MTBP: variants seen among roughly 807,000 people sequenced by gnomAD.
The protein encoded by MTBP is MDM2 binding protein.
A neutral mutation model predicts 117.0 loss-of-function variants in MTBP; 101 were observed. The observed-to-expected ratio is 0.86, with a 90% confidence interval of 0.73 to 1.02. MTBP has a LOEUF of 1.02. MTBP is among the 50% of genes least tolerant of loss of function. MTBP has a pLI of 0.00. For synonymous variants in MTBP, 350 were observed against 351.5 expected (o/e 1.00, Z 0.05); for missense variants, 970 against 1,030.9 (o/e 0.94, Z 0.81).
At chr8:120,462,606 C>T (rs1185891572) in intron 9 of MTBP, among the ~76,000 whole-genome samples, 1 of 152,176 alleles carries the variant, frequency 6.6e-6, no homozygotes, top group African/African-American at 2.4e-5. Flanking sequence ...CTAGACGTTA[C>T]TTTCAGATAT....
intron 10 of MTBP, among the ~76,000 whole-genome samples, chr8:120,465,720 C>T (rs955552051): frequency 8.5e-5 from 11 of 129,448 alleles, no homozygotes; most frequent in Non-Finnish European, 1.4e-4. Context: ...AGAGCAGTGG[C>T]GCGATCTCAG....
At chr8:120,507,887 G>C (rs1315775398) in intron 16 of MTBP, among the ~76,000 whole-genome samples, 6 of 152,072 alleles carry the variant, frequency 3.9e-5, no homozygotes, top group Non-Finnish European at 7.4e-5. Flanking sequence ...CATCTATTTA[G>C]TTATTGGATT....
intron 15 of MTBP, among the ~76,000 whole-genome samples, chr8:120,505,071 T>C (rs1354693652): frequency 6.6e-6 from 1 of 152,146 alleles, no homozygotes; most frequent in East Asian, 1.9e-4. Context: ...TCTTCTGGTG[T>C]TTTTCTCTTA....
chr8:120,482,788 C>T (rs1814117180), intron 11 of MTBP, among the ~76,000 whole-genome samples: 1 of 151,536 alleles, frequency 6.6e-6, no homozygotes, highest in South Asian at 2.1e-4. Flanking sequence ...CAACCTCCAC[C>T]TCCTGGGTTC....
intron 11 of MTBP, among the ~76,000 whole-genome samples, chr8:120,486,551 CTCA>C (rs1288679167): frequency 1.3e-5 from 2 of 152,144 alleles, no homozygotes; most frequent in Admixed American, 1.3e-4. Context: ...TCCCTGAATT[CTCA>C]TCATATGCGT....
chr8:120,482,768 C>T (rs796912362), intron 11 of MTBP, among the ~76,000 whole-genome samples: 53 of 150,400 alleles, frequency 3.5e-4, no homozygotes, highest in African/African-American at 1.1e-3. Context: ...AGCGTGATCT[C>T]GGCTCACTGC....
chr8:120,484,879 A>T (rs1321806496), intron 11 of MTBP, among the ~76,000 whole-genome samples: 1 of 152,156 alleles, frequency 6.6e-6, no homozygotes, highest in Non-Finnish European at 1.5e-5. Context: ...ACTGTTCTGG[A>T]CATGTCATGG....
intron 14 of MTBP, among the ~76,000 whole-genome samples, chr8:120,500,920 G>T (rs192589850): frequency 6.6e-6 from 1 of 151,782 alleles, no homozygotes; most frequent in African/African-American, 2.4e-5. Context: ...GGCCAGGCGC[G>T]GTGGCTCACA....
chr8:120,509,694 T>A (rs1814761023), intron 16 of MTBP, among the ~76,000 whole-genome samples: 1 of 152,204 alleles, frequency 6.6e-6, no homozygotes, highest in African/African-American at 2.4e-5. Flanking sequence ...TTTCTCAGAA[T>A]AGTTTTGTGC....
intron 5 of MTBP, 23 bp downstream of exon 5, chr8:120,453,928 A>T (rs1178109344): frequency 7.0e-7 from 1 of 1,428,276 alleles, no homozygotes; most frequent in East Asian, 2.3e-5. Flanking sequence ...GACTGCTTTC[A>T]ATAATTTGTA....
At position 120,463,539 on chromosome 8, in the gene MTBP, C is replaced by G. The variant is rs930108235; in HGVS notation, c.978-153C>G. The G allele has an allele frequency of 7.5e-6, 4 of 536,578 alleles. No homozygotes were observed. The African/African-American group carries it at 7.5e-5, about 10-fold the overall frequency. The allele number at this position is 536,578 out of a possible 1,614,324, so 33.2% of individuals were successfully genotyped here. A position where few individuals can be genotyped will look rare whatever the true frequency, so the allele number is the denominator to read the frequency against. ...ACAAATAATTGGAAAAATACTTATCCTTAGGGAAAGGCGTAATTGTTAACT... is the reference window on the plus strand; with the variant it reads ...ACAAATAATTGGAAAAATACTTATCGTTAGGGAAAGGCGTAATTGTTAACT... On this transcript the variant is annotated intron_variant, in intron 9 of 21. Coordinates refer to ENST00000305949, the MANE Select transcript of MTBP (RefSeq NM_022045.5).
intron 13 of MTBP, among the ~76,000 whole-genome samples, chr8:120,492,130 G>T (rs780391773): frequency 1.3e-5 from 2 of 152,192 alleles, no homozygotes; most frequent in East Asian, 3.8e-4. Context: ...CTGGCTCTGG[G>T]TATGTCCATG....
At chr8:120,466,816 A>T (rs369313608) in intron 10 of MTBP, among the ~76,000 whole-genome samples, 1 of 152,046 alleles carries the variant, frequency 6.6e-6, no homozygotes, top group Non-Finnish European at 1.5e-5. Context: ...GGAGGTTGCA[A>T]TGAGCCAAGA....
chr8:120,493,738 G>C (rs993871235), intron 13 of MTBP, among the ~76,000 whole-genome samples: 1 of 152,002 alleles, frequency 6.6e-6, no homozygotes, highest in Non-Finnish European at 1.5e-5. Flanking sequence ...TGATCCACCC[G>C]CTTCGGCCTC....
In MTBP at chr8:120,518,692, G is replaced by GTTATA; in HGVS notation, c.2497-10_2497-9insATATT. ...CCAAGAAATATTCGTCATATGTTAT[G>GTTATA]TTCTGTTCAAGATACTGAAAGAAGT... On this transcript the variant is annotated splice_polypyrimidine_tract_variant and intron_variant, in intron 19 of 21. Coordinates refer to ENST00000305949, the MANE Select transcript of MTBP (RefSeq NM_022045.5). The GTTATA allele has an allele frequency of 6.5e-7, 1 of 1,547,556 alleles. No homozygotes were observed. Among genetic ancestry groups the GTTATA allele is most frequent in the Non-Finnish European group, 8.9e-7 (1 of 1,125,450 alleles).
chr8:120,512,670 TA>T (rs762735572), intron 17 of MTBP, among the ~76,000 whole-genome samples: 17 of 152,132 alleles, frequency 1.1e-4, no homozygotes, highest in Non-Finnish European at 2.1e-4. Flanking sequence ...CTCCACTACC[TA>T]CCTACTCCCA....
intron 11 of MTBP, among the ~76,000 whole-genome samples, chr8:120,475,212 A>G (rs369767145): frequency 1.3e-5 from 2 of 152,076 alleles, no homozygotes; most frequent in East Asian, 3.9e-4. Context: ...CAGCCCATCT[A>G]AAGTTACAAA....
chr8:120,509,374 G>A (rs530350835), intron 16 of MTBP, among the ~76,000 whole-genome samples: 1 of 152,140 alleles, frequency 6.6e-6, no homozygotes, highest in Non-Finnish European at 1.5e-5. Flanking sequence ...GGCTGAGGCC[G>A]GCGGATCACT....
Position 120,506,720 on chromosome 8 carries a change from C to T in MTBP, c.1742C>T (p.Pro581Leu). The T allele has an allele frequency of 6.8e-6, 11 of 1,606,880 alleles. No individual in the cohort carries two copies. The highest frequency in any genetic ancestry group is 9.3e-6 in the Non-Finnish European group (11 of 1,177,546). Reference sequence around the variant, plus strand: ...TATTTTCCCAGAACTGGTTCATTACCTCATTCATCTGAACAGTTGCTGGGC... The same window carrying T: ...TATTTTCCCAGAACTGGTTCATTACTTCATTCATCTGAACAGTTGCTGGGC... ...TKQKMRTGSL[P>L]HSSEQLLGHK... The change falls in exon 16 of 22, where the codon CCT becomes CTT. Residue 581 changes from proline (P) to leucine (L), a missense_variant. Coordinates refer to ENST00000305949, the MANE Select transcript of MTBP (RefSeq NM_022045.5).
Sources: allele counts gnomAD v4.1 joint callset (sites outside exome capture counted in the v4.1 genomes callset), GRCh38; gene constraint gnomAD v4.1.1; transcripts MANE v1.5; gene names NCBI Gene and HGNC (gene_info 2026-07-23, HGNC 2026-07-21).